Variants in SORCS1 observed in about 807,000 individuals in gnomAD.
SORCS1 encodes sortilin related VPS10 domain containing receptor 1.
SORCS1 carries 60 observed loss-of-function variants against 146.1 expected under a neutral mutation model. The ratio of observed to expected loss-of-function variants is 0.41; its 90% CI spans 0.33 to 0.51. The LOEUF (loss-of-function observed/expected upper bound fraction) is 0.51, where lower values mean the gene tolerates loss of function less well. SORCS1 is among the 20% of genes least tolerant of loss of function. SORCS1 has a pLI of 0.21. For missense variants in SORCS1, 1,352 were observed against 1,487.6 expected (o/e 0.91, Z 1.50); for synonymous variants, 637 against 584.0 (o/e 1.09, Z -1.31).
At chr10:106,983,155 C>T (rs1261294933) in intron 1 of SORCS1, among the ~76,000 whole-genome samples, 1 of 146,794 alleles carries the variant, frequency 6.8e-6, no homozygotes, top group African/African-American at 2.5e-5. Flanking sequence ...TCTATATATA[C>T]ACATATTTCT....
At chr10:107,075,751 AT>A (rs1962824104) in intron 1 of SORCS1, among the ~76,000 whole-genome samples, 1 of 152,122 alleles carries the variant, frequency 6.6e-6, no homozygotes, top group South Asian at 2.1e-4. Flanking sequence ...ACTGAAACCT[AT>A]TCTTCAATCA....
intron 2 of SORCS1, among the ~76,000 whole-genome samples, chr10:106,836,441 C>G (rs1042216366): frequency 2.1e-5 from 3 of 145,662 alleles, no homozygotes; most frequent in Non-Finnish European, 3.0e-5. Context: ...CGCCACTGCA[C>G]TCCAGCCTGG....
At chr10:106,729,909 C>T (rs1301876136) in intron 6 of SORCS1, 141 bp downstream of exon 6, 3 of 944,340 alleles carry the variant, frequency 3.2e-6, no homozygotes, top group Non-Finnish European at 4.8e-6. Flanking sequence ...AAGCAGGTCA[C>T]CCCTGCAACC....
chr10:106,780,270 C>A (rs1338151090), intron 3 of SORCS1, among the ~76,000 whole-genome samples: 1 of 152,174 alleles, frequency 6.6e-6, no homozygotes, highest in African/African-American at 2.4e-5. Context: ...CAATAGATTA[C>A]ATTTCTTAAA....
chr10:106,661,848 G>T (rs922365550), intron 17 of SORCS1, among the ~76,000 whole-genome samples: 3 of 152,142 alleles, frequency 2.0e-5, no homozygotes, highest in African/African-American at 7.2e-5. Context: ...ACAGGCTAAG[G>T]CCCCAGTACC....
chr10:107,014,266 A>G (rs1425026917), intron 1 of SORCS1, among the ~76,000 whole-genome samples: 1 of 137,838 alleles, frequency 7.3e-6, no homozygotes, highest in Non-Finnish European at 1.5e-5. Flanking sequence ...AAAAAAAAAA[A>G]AAAAAAGAAA....
At chr10:106,875,337 C>A (rs557218807) in intron 2 of SORCS1, among the ~76,000 whole-genome samples, 185 of 152,274 alleles carry the variant, frequency 1.2e-3, no homozygotes, top group South Asian at 2.3e-3. Context: ...TGTATATATA[C>A]CACGTTTTCT....
chr10:106,839,810 G>A (rs1397075709), intron 2 of SORCS1, among the ~76,000 whole-genome samples: 1 of 152,142 alleles, frequency 6.6e-6, no homozygotes, highest in Non-Finnish European at 1.5e-5. Flanking sequence ...GAAAATCCTG[G>A]AGTCCATAAG....
At chr10:106,713,064 C>T (rs568231668) in intron 6 of SORCS1, among the ~76,000 whole-genome samples, 6 of 152,306 alleles carry the variant, frequency 3.9e-5, no homozygotes, top group Admixed American at 1.3e-4. Flanking sequence ...GGAGATACAG[C>T]AGAAGATCTT....
intron 3 of SORCS1, among the ~76,000 whole-genome samples, chr10:106,800,932 C>G (rs1946836900): frequency 6.6e-6 from 1 of 152,122 alleles, no homozygotes; most frequent in Non-Finnish European, 1.5e-5. Flanking sequence ...CAAAAGCACC[C>G]TGGGATTAAT....
chr10:107,016,345 A>G (rs1007448609), intron 1 of SORCS1, among the ~76,000 whole-genome samples: 4 of 152,210 alleles, frequency 2.6e-5, no homozygotes, highest in Admixed American at 6.5e-5. Context: ...ACACACAAAA[A>G]TCAATTCAAT....
At chr10:107,032,559 A>G (rs1293921817) in intron 1 of SORCS1, among the ~76,000 whole-genome samples, 1 of 152,172 alleles carries the variant, frequency 6.6e-6, no homozygotes, top group African/African-American at 2.4e-5. Flanking sequence ...GGGAAATCTG[A>G]TATCAACCAG....
intron 1 of SORCS1, among the ~76,000 whole-genome samples, chr10:107,017,571 A>G (rs1194616142): frequency 6.6e-6 from 1 of 152,220 alleles, no homozygotes. Context: ...GGAAACAACA[A>G]AAGCAGGAAC....
At chr10:106,660,467 T>A (rs1850640426) in intron 17 of SORCS1, among the ~76,000 whole-genome samples, 1 of 152,194 alleles carries the variant, frequency 6.6e-6, no homozygotes, top group Non-Finnish European at 1.5e-5. Flanking sequence ...GTCACTCTAC[T>A]GTGAAATGAA....
At chr10:106,961,761 T>C (rs1271567102) in intron 1 of SORCS1, among the ~76,000 whole-genome samples, 1 of 152,174 alleles carries the variant, frequency 6.6e-6, no homozygotes, top group Non-Finnish European at 1.5e-5. Flanking sequence ...AAGTTACCAC[T>C]CCTTTTCTAG....
chr10:106,610,024 C>T (rs541556067), intron 22 of SORCS1, among the ~76,000 whole-genome samples: 26 of 152,146 alleles, frequency 1.7e-4, no homozygotes, highest in Admixed American at 1.6e-3. Context: ...ACCCTAGAGA[C>T]GGATGGCTCA....
intron 1 of SORCS1, among the ~76,000 whole-genome samples, chr10:107,032,951 G>A (rs1417948104): frequency 6.6e-6 from 1 of 152,018 alleles, no homozygotes; most frequent in African/African-American, 2.4e-5. Flanking sequence ...CCTGTACAAC[G>A]AGCTCACCAT....
intron 3 of SORCS1, among the ~76,000 whole-genome samples, chr10:106,792,775 A>G (rs1172317823): frequency 6.6e-6 from 1 of 152,270 alleles, no homozygotes; most frequent in East Asian, 1.9e-4. Context: ...TAAGTGATAC[A>G]CTAAATGGAA....
intron 19 of SORCS1, among the ~76,000 whole-genome samples, chr10:106,628,010 A>G (rs978379424): frequency 6.6e-6 from 1 of 152,222 alleles, no homozygotes; most frequent in African/African-American, 2.4e-5. Flanking sequence ...GAGAAGTGAG[A>G]TAACATATAT....
Sources: gnomAD v4.1 joint callset for allele counts (sites outside exome capture counted in the v4.1 genomes callset) on GRCh38, gnomAD v4.1.1 for gene constraint, MANE v1.5 for transcripts, NCBI Gene and HGNC (gene_info 2026-07-23, HGNC 2026-07-21) for gene names.